Variants in SYNPO observed in about 807,000 individuals in gnomAD.
The protein encoded by SYNPO is synaptopodin.
Under a neutral mutation model 49.5 loss-of-function variants are expected in SYNPO, and 19 were observed. The ratio of observed to expected loss-of-function variants is 0.38; its 90% CI spans 0.27 to 0.56. SYNPO has a LOEUF of 0.56. SYNPO is among the 20% of genes least tolerant of loss of function. SYNPO has a pLI of 0.68. For missense variants in SYNPO, 1,131 were observed against 1,248.3 expected, an observed-to-expected ratio of 0.91 and a Z score of 1.42; for synonymous variants, 536 against 548.0, an observed-to-expected ratio of 0.98 and a Z score of 0.31.
intron 2 of SYNPO, among the ~76,000 whole-genome samples, chr5:150,629,499 G>A (rs930192837): frequency 3.9e-5 from 6 of 152,152 alleles, no homozygotes; most frequent in African/African-American, 1.4e-4. Context: ...GATCATGGGT[G>A]TGACAAAGCT....
At chr5:150,589,093 G>A in the SYNPO span, among the ~76,000 whole-genome samples, 24 of 147,218 alleles carry the variant, frequency 1.6e-4, no homozygotes, top group East Asian at 3.0e-3. Context: ...ACAGAGTCTC[G>A]CTGTGTTGCC....
At chr5:150,609,526 C>A (rs545685321) in intron 1 of SYNPO, among the ~76,000 whole-genome samples, 3 of 152,330 alleles carry the variant, frequency 2.0e-5, no homozygotes, top group Admixed American at 6.5e-5. Context: ...AACTCCTGAC[C>A]TCAGGTGATC....
chr5:150,593,177 C>T, the SYNPO span, among the ~76,000 whole-genome samples: 78 of 152,336 alleles, frequency 5.1e-4, no homozygotes, highest in Admixed American at 1.5e-3. Context: ...GCCTTAGGCC[C>T]CCAGACCAGG....
In SYNPO at chr5:150,618,843, G is replaced by C. The variant is rs1371347436; in HGVS notation, c.400+76G>C. On this transcript the variant is annotated intron_variant, in intron 2 of 2. Transcript: ENST00000394243. ...CCAGGTCCTTAGTACAAGGGCTCCT[G>C]ACCATATTTTTCCATGATCCACAGT... is the stretch of plus-strand genomic sequence containing the variant. 6 of 1,515,812 alleles carry C rather than the reference G, an allele frequency of 4.0e-6. No homozygotes were observed. The East Asian group carries it at 9.8e-5, about 25-fold the overall frequency. The allele number at this position is 1,515,812 out of a possible 1,614,324, so 93.9% of individuals were successfully genotyped here.
chr5:150,635,663 A>G (rs1487955617), upstream of SYNPO, among the ~76,000 whole-genome samples: 1 of 152,126 alleles, frequency 6.6e-6, no homozygotes, highest in Non-Finnish European at 1.5e-5. Flanking sequence ...GGGTTTCACC[A>G]TGTTGGCCAG....
intron 2 of SYNPO, among the ~76,000 whole-genome samples, chr5:150,626,522 C>T (rs1381681361): frequency 6.6e-6 from 1 of 152,212 alleles, no homozygotes; most frequent in African/African-American, 2.4e-5. Context: ...CGGCTCCCCT[C>T]AACCCCACAA....
rs58237678 is a variant in SYNPO at position 150,617,974 on chromosome 5, T to C, written c.-265-129T>C. The stretch of plus-strand genomic sequence containing the variant: ...CTTTCGAAACACTTCCCTATGGAAG[T>C]GTGGAACCTGCACCCCAAATGCCGA... On this transcript the variant is annotated intron_variant, in intron 1 of 2. Coordinates refer to the SYNPO transcript ENST00000394243. The C allele has an allele frequency of 0.1, 16,784 of 167,402 alleles. 2,099 individuals carry two copies. The highest frequency in any genetic ancestry group is 0.29 in the African/African-American group (12,037 of 42,106). 10.4% of individuals were successfully genotyped at this position (167,402 alleles called of 1,614,324 possible).
the SYNPO span, among the ~76,000 whole-genome samples, chr5:150,593,406 C>T: frequency 6.6e-6 from 1 of 152,230 alleles, no homozygotes; most frequent in African/African-American, 2.4e-5. Flanking sequence ...AGGCAACACT[C>T]CTTTCCCTTC....
At chr5:150,598,611 AAGTATCCAGATAT>A, upstream of SYNPO, among the ~76,000 whole-genome samples, 1 of 152,312 alleles carries the variant, frequency 6.6e-6, no homozygotes, top group East Asian at 1.9e-4. Flanking sequence ...GTATCCAGAT[AAGTATCCAGATAT>A]AGTATCCAGA....
upstream of SYNPO, among the ~76,000 whole-genome samples, chr5:150,636,891 G>T (rs562767886): frequency 2.0e-5 from 3 of 152,292 alleles, no homozygotes; most frequent in African/African-American, 7.2e-5. Flanking sequence ...TGAAGACAGG[G>T]AGAGAGACAG....
chr5:150,639,287 G>C (rs1306388526), upstream of SYNPO, among the ~76,000 whole-genome samples: 2 of 152,204 alleles, frequency 1.3e-5, no homozygotes, highest in Non-Finnish European at 2.9e-5. Context: ...TGCCAGCAGA[G>C]AGAAACCAGA....
chr5:150,643,680 G>A (rs1482349875), intron 1 of SYNPO, among the ~76,000 whole-genome samples: 7 of 152,192 alleles, frequency 4.6e-5, no homozygotes, highest in Admixed American at 2.0e-4. Context: ...GATTACAGGC[G>A]CCCGCCACCA....
At chr5:150,647,491 C>G (rs766281543) in intron 1 of SYNPO, among the ~76,000 whole-genome samples, 39 of 152,128 alleles carry the variant, frequency 2.6e-4, no homozygotes, top group Non-Finnish European at 1.0e-4. Flanking sequence ...CCAAGGAGAG[C>G]GAGCAGCAAG....
the SYNPO span, among the ~76,000 whole-genome samples, chr5:150,592,732 T>C: frequency 6.6e-6 from 1 of 152,232 alleles, no homozygotes; most frequent in East Asian, 1.9e-4. Flanking sequence ...GACCCTTCTT[T>C]CTGAAGACCG....
At chr5:150,598,274 G>T (rs1756459450), upstream of SYNPO, among the ~76,000 whole-genome samples, 1 of 152,218 alleles carries the variant, frequency 6.6e-6, no homozygotes, top group South Asian at 2.1e-4. Context: ...CCCTGCTGCA[G>T]GGGGAAAGAA....
the SYNPO span, among the ~76,000 whole-genome samples, chr5:150,595,102 C>T: frequency 1.3e-5 from 2 of 152,194 alleles, no homozygotes; most frequent in African/African-American, 4.8e-5. Context: ...CAAGACTTCT[C>T]AGGTGGAAGC....
At chr5:150,635,367 G>A (rs1757681233) in intron 2 of SYNPO, among the ~76,000 whole-genome samples, 1 of 152,228 alleles carries the variant, frequency 6.6e-6, no homozygotes, top group African/African-American at 2.4e-5. Flanking sequence ...GCATTAAGAG[G>A]CTACTGAGAA....
chr5:150,618,002 A>G (rs967635648), intron 1 of SYNPO: 2 of 181,392 alleles, frequency 1.1e-5, no homozygotes, highest in African/African-American at 2.3e-5. Flanking sequence ...AATGCCGACC[A>G]GTTCTCAGGG....
At chr5:150,620,901 C>CTTTCTTTCTTTA (rs1424447179) in intron 2 of SYNPO, among the ~76,000 whole-genome samples, 8 of 87,708 alleles carry the variant, frequency 9.1e-5, no homozygotes, top group African/African-American at 5.1e-4. Context: ...CTTTTTTTCT[C>CTTTCTTTCTTTA]TTTCTTTCTT....
Sources: gnomAD v4.1 joint callset for allele counts (sites outside exome capture counted in the v4.1 genomes callset) on GRCh38, gnomAD v4.1.1 for gene constraint, MANE v1.5 for transcripts, NCBI Gene and HGNC (gene_info 2026-07-23, HGNC 2026-07-21) for gene names.